Variants in FBXL17 observed in about 807,000 individuals in gnomAD.
FBXL17 encodes F-box/LRR-repeat protein 17.
A neutral mutation model predicts 66.2 loss-of-function variants in FBXL17; 22 were observed. That is an observed-to-expected ratio of 0.33 (90% CI 0.24 to 0.47). The LOEUF (loss-of-function observed/expected upper bound fraction) is 0.47. FBXL17 is among the 20% of genes least tolerant of loss of function. The pLI, the probability that FBXL17 is intolerant of heterozygous loss-of-function variation, is 1.00. For missense variants in FBXL17, 878 were observed against 948.2 expected (o/e 0.93, Z 0.97); for synonymous variants, 474 against 400.5 (o/e 1.18, Z -2.19).
In FBXL17 at chr5:108,333,070, C is replaced by G. The variant is rs188968054; in HGVS notation, c.1506+15329G>C. Among the ~76,000 whole-genome samples the G allele has an allele frequency of 2.1e-3, 271 of 131,962 alleles. 1 individual carries two copies. Among genetic ancestry groups the G allele is most frequent in the Non-Finnish European group, 3.3e-3 (221 of 66,602 alleles). 86.6% of individuals were successfully genotyped at this position (131,962 alleles called of 152,430 possible). On this transcript the variant is annotated intron_variant, in intron 4 of 8. Coordinates refer to ENST00000542267, the MANE Select transcript of FBXL17 (RefSeq NM_001163315.3). ...CTTATATAAGAAGTTCTAAGTCAAACTACCTTAAAATGAAAGCCGAAGCAA... is the reference window on the plus strand; with the variant it reads ...CTTATATAAGAAGTTCTAAGTCAAAGTACCTTAAAATGAAAGCCGAAGCAA...
rs373241988 is a variant in FBXL17 at position 107,915,520 on chromosome 5, A to C, written c.1823-34341T>G. Reference sequence around the variant, plus strand: ...CACCAATAGTCTGGAAAAAATACACAACAGTCTTCTTTTCTGCAAGAACTT... The same window carrying C: ...CACCAATAGTCTGGAAAAAATACACCACAGTCTTCTTTTCTGCAAGAACTT... On this transcript the variant is annotated intron_variant, in intron 7 of 8. Transcript: ENST00000542267. Among the ~76,000 whole-genome samples the C allele has an allele frequency of 3.9e-5, 6 of 152,304 alleles. No homozygotes were observed. The East Asian group carries it at 1.2e-3, about 29-fold the overall frequency.
chr5:107,908,698 G>A (rs1171464117), intron 7 of FBXL17, among the ~76,000 whole-genome samples: 16 of 152,162 alleles, frequency 1.1e-4, no homozygotes, highest in Non-Finnish European at 1.9e-4. Flanking sequence ...GGAGGACTGC[G>A]GGGCAAAGGC....
intron 4 of FBXL17, among the ~76,000 whole-genome samples, chr5:108,327,407 A>G (rs952732908): frequency 3.9e-5 from 6 of 152,356 alleles, no homozygotes; most frequent in African/African-American, 1.4e-4. Context: ...GTTTTCTGCA[A>G]TAAGAAAATT....
intron 4 of FBXL17, among the ~76,000 whole-genome samples, chr5:108,323,883 T>G (rs745330603): frequency 6.6e-6 from 1 of 151,994 alleles, no homozygotes; most frequent in Non-Finnish European, 1.5e-5. Context: ...GATATCTACA[T>G]GCAAATGAAT....
intron 7 of FBXL17, among the ~76,000 whole-genome samples, chr5:107,951,943 A>T (rs1315356732): frequency 1.3e-5 from 2 of 152,226 alleles, no homozygotes; most frequent in Non-Finnish European, 2.9e-5. Context: ...TGGCTTTTCA[A>T]AGCTTTTTCT....
intron 6 of FBXL17, among the ~76,000 whole-genome samples, chr5:108,150,514 T>C (rs1245944429): frequency 6.6e-6 from 1 of 152,208 alleles, no homozygotes; most frequent in African/African-American, 2.4e-5. Flanking sequence ...CCCAATCATG[T>C]TCTTAACAGA....
chr5:108,149,261 TA>T, intron 6 of FBXL17, among the ~76,000 whole-genome samples: 1 of 152,364 alleles, frequency 6.6e-6, no homozygotes, highest in East Asian at 1.9e-4. Flanking sequence ...ATTCAATTTT[TA>T]AAAAGCCTTA....
intron 5 of FBXL17, among the ~76,000 whole-genome samples, chr5:108,211,369 T>C (rs1264714229): frequency 6.6e-6 from 1 of 152,210 alleles, no homozygotes; most frequent in Non-Finnish European, 1.5e-5. Flanking sequence ...CCTGTCATTA[T>C]GATGCTAGCT....
chr5:108,006,007 T>C (rs1157701411), intron 7 of FBXL17, among the ~76,000 whole-genome samples: 1 of 152,236 alleles, frequency 6.6e-6, no homozygotes, highest in African/African-American at 2.4e-5. Flanking sequence ...CGCCTGACAC[T>C]GCCCTCTGGC....
At chr5:108,133,963 T>C (rs955711739) in intron 6 of FBXL17, among the ~76,000 whole-genome samples, 3 of 152,160 alleles carry the variant, frequency 2.0e-5, no homozygotes, top group Non-Finnish European at 4.4e-5. Flanking sequence ...TATTTTTAAA[T>C]AATTTGTAAT....
intron 3 of FBXL17, among the ~76,000 whole-genome samples, chr5:108,363,572 T>C (rs1380213730): frequency 1.3e-5 from 2 of 151,982 alleles, no homozygotes; most frequent in Non-Finnish European, 2.9e-5. Context: ...CTAGAGAAGA[T>C]TTACATAATT....
chr5:108,239,107 G>A (rs971737441), intron 4 of FBXL17, among the ~76,000 whole-genome samples: 3 of 152,114 alleles, frequency 2.0e-5, no homozygotes, highest in African/African-American at 7.2e-5. Flanking sequence ...CCAGGCTGCA[G>A]TACAGTAGCG....
At chr5:107,915,834 CT>C (rs773072394) in intron 7 of FBXL17, among the ~76,000 whole-genome samples, 54 of 152,168 alleles carry the variant, frequency 3.5e-4, no homozygotes, top group Non-Finnish European at 4.3e-4. Flanking sequence ...GCTGTTCCCC[CT>C]GTCTGTGTTC....
intron 6 of FBXL17, among the ~76,000 whole-genome samples, chr5:108,091,800 G>A (rs1241339234): frequency 6.6e-6 from 1 of 152,062 alleles, no homozygotes; most frequent in Non-Finnish European, 1.5e-5. Context: ...TTTGCATTTT[G>A]CTTAAATGCA....
intron 6 of FBXL17, among the ~76,000 whole-genome samples, chr5:108,174,139 A>G (rs1268754168): frequency 2.6e-5 from 4 of 152,152 alleles, no homozygotes; most frequent in Non-Finnish European, 5.9e-5. Flanking sequence ...GAAATTAGAT[A>G]ATTCTAACTG....
intron 6 of FBXL17, among the ~76,000 whole-genome samples, chr5:108,025,690 C>CACACACACACACAA (rs1034958866): frequency 1.4e-5 from 2 of 139,062 alleles, no homozygotes; most frequent in Non-Finnish European, 3.0e-5. Flanking sequence ...TACACACACA[C>CACACACACACACAA]ACACACACAC....
chr5:107,949,317 A>C (rs1751420995), intron 7 of FBXL17, among the ~76,000 whole-genome samples: 1 of 152,224 alleles, frequency 6.6e-6, no homozygotes, highest in Non-Finnish European at 1.5e-5. Flanking sequence ...AGGGACATTA[A>C]TGACCAATTT....
intron 7 of FBXL17, among the ~76,000 whole-genome samples, chr5:107,892,302 G>A (rs1288502037): frequency 1.3e-5 from 2 of 151,838 alleles, no homozygotes; most frequent in African/African-American, 4.8e-5. Flanking sequence ...ATCAGAAAGG[G>A]GTCTTGTTTA....
At chr5:108,047,676 C>A (rs916270958) in intron 6 of FBXL17, among the ~76,000 whole-genome samples, 1 of 152,188 alleles carries the variant, frequency 6.6e-6, no homozygotes, top group Non-Finnish European at 1.5e-5. Flanking sequence ...CTGTGGCATA[C>A]TGCGGCCAGA....
Sources: allele counts gnomAD v4.1 joint callset (sites outside exome capture counted in the v4.1 genomes callset), GRCh38; gene constraint gnomAD v4.1.1; transcripts MANE v1.5; gene names NCBI Gene and HGNC (gene_info 2026-07-23, HGNC 2026-07-21).